GALNT13: variants seen among roughly 807,000 people sequenced by gnomAD.
The protein encoded by GALNT13 is polypeptide N-acetylgalactosaminyltransferase 13.
GALNT13 carries 28 observed loss-of-function variants against 64.2 expected under a neutral mutation model. That is an observed-to-expected ratio of 0.44 (90% CI 0.32 to 0.60). The LOEUF is 0.60. Ranked by LOEUF, GALNT13 falls within the 20% of genes least tolerant of loss-of-function variation. GALNT13 has a pLI of 0.05. For synonymous variants in GALNT13, 214 were observed against 224.6 expected, an observed-to-expected ratio of 0.95 and a Z score of 0.42; for missense variants, 577 against 669.8, an observed-to-expected ratio of 0.86 and a Z score of 1.53.
chr2:153,309,734 C>T, the GALNT13 span, among the ~76,000 whole-genome samples: 1 of 151,840 alleles, frequency 6.6e-6, no homozygotes, highest in African/African-American at 2.4e-5. Context: ...AGTTAAAATT[C>T]AGCATAATAA....
chr2:153,473,841 A>C, the GALNT13 span, among the ~76,000 whole-genome samples: 9 of 152,202 alleles, frequency 5.9e-5, no homozygotes, highest in Non-Finnish European at 1.3e-4. Context: ...AGTGGATGTT[A>C]AAGAGTCTTC....
chr2:153,228,869 CAAAAAAAAA>C, the GALNT13 span, among the ~76,000 whole-genome samples: 6 of 68,642 alleles, frequency 8.7e-5, no homozygotes, highest in South Asian at 2.7e-3. Flanking sequence ...GAGACTGTCT[CAAAAAAAAA>C]AAAAAAAAAA....
At chr2:153,436,052 T>C in the GALNT13 span, among the ~76,000 whole-genome samples, 32 of 152,226 alleles carry the variant, frequency 2.1e-4, no homozygotes, top group Non-Finnish European at 4.3e-4. Flanking sequence ...TGTTGAATTT[T>C]GTCAAAGGCC....
rs551371852 is a variant in GALNT13, at chr2:154,356,859, T to C, written c.1157-39132T>C. On this transcript the variant is annotated intron_variant, in intron 9 of 12. Coordinates refer to ENST00000392825, the MANE Select transcript of GALNT13 (RefSeq NM_052917.4). The stretch of plus-strand genomic sequence containing the variant: ...ACTTTGCTGTTAGCACATAAATTGA[T>C]AACCATGTACTACCTATAGTTATTA... 1.5e-4 allele frequency among the ~76,000 whole-genome samples: 23 copies of C among 152,144 alleles called. No individual in the cohort carries two copies. The South Asian group carries it at 4.6e-3, about 30-fold the overall frequency.
intron 10 of GALNT13, among the ~76,000 whole-genome samples, chr2:154,408,670 G>T (rs1699659504): frequency 6.6e-6 from 1 of 151,856 alleles, no homozygotes; most frequent in Admixed American, 6.6e-5. Flanking sequence ...GAGGATTTGG[G>T]GAAGAATTCC....
At chr2:153,268,009 G>T in the GALNT13 span, among the ~76,000 whole-genome samples, 1 of 152,122 alleles carries the variant, frequency 6.6e-6, no homozygotes, top group Admixed American at 6.6e-5. Context: ...TAGGGACACA[G>T]AGCCAAACCA....
rs1036007946 is a variant in GALNT13, at chr2:153,876,816, A to C, written c.-177+4513A>C. On this transcript the variant is annotated intron_variant, in intron 1 of 12. Coordinates refer to ENST00000392825, the MANE Select transcript of GALNT13 (RefSeq NM_052917.4). Reference sequence around the variant, plus strand: ...CATTTAAATGAAATTCTTAATTTTTAAAAGTTATCACTGCAGAGATTGATG... The same window carrying C: ...CATTTAAATGAAATTCTTAATTTTTCAAAGTTATCACTGCAGAGATTGATG... Among the ~76,000 whole-genome samples the C allele has an allele frequency of 3.9e-5, 6 of 152,290 alleles. No individual in the cohort carries two copies. The Middle Eastern group carries it at 0.01, about 259-fold the overall frequency.
the GALNT13 span, among the ~76,000 whole-genome samples, chr2:153,501,321 G>GT: frequency 2.6e-5 from 4 of 151,684 alleles, no homozygotes; most frequent in African/African-American, 9.7e-5. Flanking sequence ...TTTGCTTTTT[G>GT]GTTTTTTTTG....
At chr2:153,392,810 C>G in the GALNT13 span, among the ~76,000 whole-genome samples, 3 of 151,992 alleles carry the variant, frequency 2.0e-5, no homozygotes, top group Non-Finnish European at 4.4e-5. Context: ...AAAACTTAAT[C>G]TCCAATGCAA....
the GALNT13 span, among the ~76,000 whole-genome samples, chr2:153,151,619 G>C: frequency 6.6e-6 from 1 of 152,074 alleles, no homozygotes; most frequent in Non-Finnish European, 1.5e-5. Context: ...AGAAAATGTG[G>C]CACATATACA....
upstream of GALNT13, among the ~76,000 whole-genome samples, chr2:153,870,023 C>A (rs1314254742): frequency 6.6e-6 from 1 of 151,944 alleles, no homozygotes; most frequent in African/African-American, 2.4e-5. Context: ...CCCACACCCT[C>A]AAGACTAATA....
At chr2:153,672,398 T>A in the GALNT13 span, among the ~76,000 whole-genome samples, 3 of 152,258 alleles carry the variant, frequency 2.0e-5, no homozygotes, top group Admixed American at 6.5e-5. Context: ...ATTAAGAAAC[T>A]CACTCAAAAC....
At chr2:153,359,927 A>G in the GALNT13 span, among the ~76,000 whole-genome samples, 1 of 152,234 alleles carries the variant, frequency 6.6e-6, no homozygotes, top group Non-Finnish European at 1.5e-5. Context: ...GAATTCCTTC[A>G]AAAGCCTCGT....
chr2:153,747,225 T>C, the GALNT13 span, among the ~76,000 whole-genome samples: 1 of 152,038 alleles, frequency 6.6e-6, no homozygotes, highest in Non-Finnish European at 1.5e-5. Context: ...CCAATTACAT[T>C]CCTATAATGA....
chr2:154,145,812 C>T (rs147080681), intron 4 of GALNT13, among the ~76,000 whole-genome samples: 2 of 151,814 alleles, frequency 1.3e-5, no homozygotes, highest in African/African-American at 2.4e-5. Context: ...TGCTCAATCT[C>T]GTGAGTACGT....
Position 154,368,158 on chromosome 2 carries a change from A to T in GALNT13, c.1157-27833A>T, listed in dbSNP as rs1697476920. On this transcript the variant is annotated intron_variant, in intron 9 of 12. Coordinates refer to ENST00000392825, the MANE Select transcript of GALNT13 (RefSeq NM_052917.4). ...ATTCAATGGATAAATTGGATAAAAT[A>T]TGTAAAAAAAAAATTCTCTGGCTCT... is the stretch of plus-strand genomic sequence containing the variant. 6.3e-4 allele frequency among the ~76,000 whole-genome samples: 2 copies of T among 3,196 alleles called. 1 individual carries two copies. Among genetic ancestry groups the T allele is most frequent in the South Asian group, 0.14 (2 of 14 alleles). The allele number at this position is 3,196 out of a possible 152,430, so 2.1% of individuals were successfully genotyped here.
the GALNT13 span, among the ~76,000 whole-genome samples, chr2:153,627,926 G>T: frequency 2.6e-5 from 4 of 152,036 alleles, no homozygotes; most frequent in African/African-American, 9.7e-5. Context: ...CATTGAATCG[G>T]TAAATTACCT....
At chr2:153,528,186 C>A in the GALNT13 span, among the ~76,000 whole-genome samples, 9 of 151,610 alleles carry the variant, frequency 5.9e-5, no homozygotes, top group African/African-American at 2.2e-4. Flanking sequence ...AAGAAACACA[C>A]CTCATCTATA....
At chr2:154,386,735 T>C (rs1698531753) in intron 9 of GALNT13, among the ~76,000 whole-genome samples, 1 of 152,094 alleles carries the variant, frequency 6.6e-6, no homozygotes, top group Non-Finnish European at 1.5e-5. Context: ...TCTCAATGGA[T>C]ATCAAATTGT....
Sources: gnomAD v4.1 joint callset for allele counts (sites outside exome capture counted in the v4.1 genomes callset) on GRCh38, gnomAD v4.1.1 for gene constraint, MANE v1.5 for transcripts, NCBI Gene and HGNC (gene_info 2026-07-23, HGNC 2026-07-21) for gene names.